The following KIF16B variants were observed in gnomAD, a reference collection of about 807,000 sequenced individuals.
KIF16B encodes kinesin-like protein KIF16B.
Under a neutral mutation model 156.3 loss-of-function variants are expected in KIF16B, and 98 were observed. That is an observed-to-expected ratio of 0.63 (90% CI 0.53 to 0.74). The LOEUF (loss-of-function observed/expected upper bound fraction) is 0.74, where lower values mean the gene tolerates loss of function less well. KIF16B is among the 30% of genes least tolerant of loss of function. The pLI, the probability that KIF16B is intolerant of heterozygous loss-of-function variation, is 0.00. For synonymous variants in KIF16B, 564 were observed against 583.7 expected, an observed-to-expected ratio of 0.97 and a Z score of 0.49; for missense variants, 1,421 against 1,606.5, an observed-to-expected ratio of 0.88 and a Z score of 1.97.
At chr20:16,367,513 T>TTCTTC in intron 22 of KIF16B, 1 of 1,612,886 alleles carries the variant, frequency 6.2e-7, no homozygotes, top group Non-Finnish European at 8.5e-7. Context: ...AATGTGGGTG[T>TTCTTC]TCAGAAGGAC....
chr20:16,478,074 G>A (rs2067869317), intron 12 of KIF16B, among the ~76,000 whole-genome samples: 1 of 152,164 alleles, frequency 6.6e-6, no homozygotes, highest in African/African-American at 2.4e-5. Context: ...GCAAGTTTAT[G>A]CAAAACTGAA....
At chr20:16,435,357 T>C (rs1341630194) in intron 12 of KIF16B, among the ~76,000 whole-genome samples, 1 of 152,210 alleles carries the variant, frequency 6.6e-6, no homozygotes, top group Non-Finnish European at 1.5e-5. Context: ...TCCACTCTTT[T>C]CAAAGCTGAA....
At chr20:16,411,973 A>T (rs953740834) in intron 15 of KIF16B, among the ~76,000 whole-genome samples, 18 of 111,010 alleles carry the variant, frequency 1.6e-4, no homozygotes, top group African/African-American at 6.9e-4. Context: ...TGTGTGTGTG[A>T]CTCATTGCTA....
At chr20:16,497,270 T>C (rs980312806) in intron 11 of KIF16B, among the ~76,000 whole-genome samples, 4 of 152,200 alleles carry the variant, frequency 2.6e-5, no homozygotes, top group Non-Finnish European at 4.4e-5. Flanking sequence ...GTTGAGGCCA[T>C]GGGGACCACT....
intron 25 of KIF16B, among the ~76,000 whole-genome samples, chr20:16,311,887 T>A (rs1224177864): frequency 1.3e-5 from 2 of 151,956 alleles, no homozygotes; most frequent in Non-Finnish European, 2.9e-5. Context: ...TTAAAATAAG[T>A]CAAATGAAAC....
In KIF16B at chr20:16,362,049, A is replaced by C. The variant is rs2064561568; in HGVS notation, c.3499-5597T>G. 2.0e-5 allele frequency among the ~76,000 whole-genome samples: 3 copies of C among 152,254 alleles called. No homozygotes were observed. The South Asian group carries it at 6.2e-4, about 31-fold the overall frequency. On this transcript the variant is annotated intron_variant, in intron 22 of 25. Transcript: ENST00000354981. ...ATTATACCTGACTGATAATGTCGCA[A>C]CAACTGCTAAGTGGCTCTCACTATT...
chr20:16,289,776 G>A (rs2063286522), intron 25 of KIF16B, among the ~76,000 whole-genome samples: 1 of 152,220 alleles, frequency 6.6e-6, no homozygotes. Flanking sequence ...AGGAGGCGGA[G>A]GCTGCAGTGA....
chr20:16,388,547 G>T (rs990915849), intron 17 of KIF16B, among the ~76,000 whole-genome samples: 2 of 152,036 alleles, frequency 1.3e-5, no homozygotes, highest in East Asian at 1.9e-4. Context: ...ATTTTTGCAG[G>T]TGTTTTTAAC....
intron 1 of KIF16B, among the ~76,000 whole-genome samples, chr20:16,569,970 C>CTG (rs10602666): frequency 0.042 from 6,356 of 149,668 alleles, 303 homozygotes; most frequent in African/African-American, 0.11. Flanking sequence ...ATAGATGAAT[C>CTG]TGTGTGTGTG....
chr20:16,340,251 CAA>C (rs1243835341), intron 23 of KIF16B, among the ~76,000 whole-genome samples: 1 of 152,202 alleles, frequency 6.6e-6, no homozygotes, highest in Non-Finnish European at 1.5e-5. Context: ...AGTCTTTGCT[CAA>C]AAGTCACTTT....
chr20:16,382,469 TTCA>T (rs1568917519), intron 17 of KIF16B, among the ~76,000 whole-genome samples: 1 of 152,164 alleles, frequency 6.6e-6, no homozygotes, highest in African/African-American at 2.4e-5. Context: ...TGCATGTAGG[TTCA>T]TCAAGTTCCT....
At chr20:16,303,176 T>A (rs6080215) in intron 25 of KIF16B, among the ~76,000 whole-genome samples, 22,165 of 152,186 alleles carry the variant, frequency 0.15, 1,721 homozygotes, top group Admixed American at 0.16. Context: ...CCATTACAAC[T>A]ATATAAGATG....
chr20:16,390,611 T>G, intron 17 of KIF16B, among the ~76,000 whole-genome samples: 1 of 152,204 alleles, frequency 6.6e-6, no homozygotes, highest in East Asian at 1.9e-4. Flanking sequence ...TTCCAACTCC[T>G]CATCCATTCT....
At position 16,519,747 on chromosome 20, in the gene KIF16B, T is replaced by A. The variant is rs1007803459; in HGVS notation, c.232-4083A>T. ...GGCAAGATGGCCAAATAGGAACAGC[T>A]CTGGTCTGCAGCTCCCAGCAAGATC... is the stretch of plus-strand genomic sequence containing the variant. On this transcript the variant is annotated intron_variant, in intron 3 of 25. Coordinates refer to ENST00000354981, the MANE Select transcript of KIF16B (RefSeq NM_024704.5). Among the ~76,000 whole-genome samples, 4 of 152,166 alleles carry A rather than the reference T, an allele frequency of 2.6e-5. No individual in the cohort carries two copies. The East Asian group carries it at 5.8e-4, about 22-fold the overall frequency.
intron 4 of KIF16B, among the ~76,000 whole-genome samples, chr20:16,513,659 T>TAA (rs10713040): frequency 5.3e-5 from 6 of 112,698 alleles, no homozygotes; most frequent in Non-Finnish European, 5.3e-5. Context: ...AAACTACGTT[T>TAA]AAAAAAAAAA....
At chr20:16,307,214 A>G (rs2063553908) in intron 25 of KIF16B, among the ~76,000 whole-genome samples, 1 of 152,120 alleles carries the variant, frequency 6.6e-6, no homozygotes, top group African/African-American at 2.4e-5. Flanking sequence ...CATTTTTTTC[A>G]TTAATTATAG....
chr20:16,454,851 C>T (rs2067173786), intron 12 of KIF16B, among the ~76,000 whole-genome samples: 1 of 152,104 alleles, frequency 6.6e-6, no homozygotes, highest in South Asian at 2.1e-4. Flanking sequence ...ACCCCAGCAG[C>T]AATGAGCACC....
At chr20:16,396,507 TATATA>T (rs1256618445) in intron 17 of KIF16B, among the ~76,000 whole-genome samples, 13 of 151,490 alleles carry the variant, frequency 8.6e-5, no homozygotes, top group African/African-American at 2.9e-4. Flanking sequence ...AAAATATAAA[TATATA>T]TATATAAATG....
chr20:16,471,349 C>CT (rs2067657552), intron 12 of KIF16B, among the ~76,000 whole-genome samples: 1 of 152,176 alleles, frequency 6.6e-6, no homozygotes, highest in African/African-American at 2.4e-5. Context: ...GGACCAATAG[C>CT]TTTCTCTCTG....
Sources: allele counts gnomAD v4.1 joint callset (sites outside exome capture counted in the v4.1 genomes callset), GRCh38; gene constraint gnomAD v4.1.1; transcripts MANE v1.5; gene names NCBI Gene and HGNC (gene_info 2026-07-23, HGNC 2026-07-21).